The following CCDC91 variants were observed in gnomAD, a reference collection of about 807,000 sequenced individuals.
CCDC91 encodes the protein coiled-coil domain-containing protein 91.
Under a neutral mutation model 63.2 loss-of-function variants are expected in CCDC91, and 48 were observed. The ratio of observed to expected loss-of-function variants is 0.76; its 90% CI spans 0.60 to 0.97. The LOEUF (loss-of-function observed/expected upper bound fraction) is 0.97. Among genes scored for constraint, CCDC91 ranks in the 50% least tolerant of loss-of-function variants. CCDC91 has a pLI of 0.00. For missense variants in CCDC91, 500 were observed against 494.6 expected (o/e 1.01, Z -0.10); for synonymous variants, 167 against 165.8 (o/e 1.01, Z -0.06).
At chr12:28,207,443 G>A (rs1349089308) in intron 1 of CCDC91, among the ~76,000 whole-genome samples, 1 of 152,134 alleles carries the variant, frequency 6.6e-6, no homozygotes, top group East Asian at 1.9e-4. Flanking sequence ...GGATTCTGAA[G>A]GGGTTAATTG....
At chr12:28,485,709 A>C (rs1951690922) in intron 12 of CCDC91, among the ~76,000 whole-genome samples, 1 of 152,166 alleles carries the variant, frequency 6.6e-6, no homozygotes, top group Non-Finnish European at 1.5e-5. Flanking sequence ...TAGATGCCTA[A>C]CCTTCTAAGG....
Position 28,450,209 on chromosome 12 carries a change from G to GA in CCDC91, c.817dup (p.Ile273AsnfsTer28), listed in dbSNP as rs751463445. The GA allele has an allele frequency of 1.2e-6, 2 of 1,610,288 alleles. No individual in the cohort carries two copies. Among genetic ancestry groups the GA allele is most frequent in the South Asian group, 1.1e-5 (1 of 90,610 alleles). ...AGATACAGAGAAGGAACTGTTAAAAGAAAAAATAAAGGAAGCTTTGATTCA... is the reference window on the plus strand; with the variant it reads ...AGATACAGAGAAGGAACTGTTAAAAGAAAAAAATAAAGGAAGCTTTGATTCA... On this transcript the variant is annotated frameshift_variant, in exon 9 of 13. Transcript: ENST00000536442. LOFTEE classifies it high-confidence loss of function.
intron 12 of CCDC91, among the ~76,000 whole-genome samples, chr12:28,525,168 C>G (rs771760222): frequency 5.3e-5 from 8 of 152,020 alleles, no homozygotes; most frequent in African/African-American, 9.7e-5. Flanking sequence ...TCTTACTTCT[C>G]TAGTTCCTTG....
chr12:28,536,325 G>A (rs1346450110), intron 12 of CCDC91, among the ~76,000 whole-genome samples: 1 of 152,128 alleles, frequency 6.6e-6, no homozygotes, highest in Non-Finnish European at 1.5e-5. Flanking sequence ...GTTTGTAAAT[G>A]CCCCTGCAGG....
At chr12:28,270,725 C>T (rs753430229) in intron 3 of CCDC91, among the ~76,000 whole-genome samples, 8 of 152,146 alleles carry the variant, frequency 5.3e-5, no homozygotes, top group East Asian at 1.9e-4. Flanking sequence ...TATTTTGCGT[C>T]GATGGAATAT....
chr12:28,264,585 C>CTGTATGTGTGTGTGTGTGTGTGTGTGTG (rs1555169638), intron 3 of CCDC91, among the ~76,000 whole-genome samples: 2 of 137,258 alleles, frequency 1.5e-5, no homozygotes, highest in South Asian at 2.4e-4. Flanking sequence ...ATATGTCTGT[C>CTGTATGTGTGTGTGTGTGTGTGTGTGTG]TGTGTGTGTG....
At chr12:28,314,119 A>G (rs901459269) in intron 6 of CCDC91, among the ~76,000 whole-genome samples, 1 of 151,964 alleles carries the variant, frequency 6.6e-6, no homozygotes, top group Non-Finnish European at 1.5e-5. Context: ...ATTCTTTCAC[A>G]TTCCATTTTC....
At chr12:28,409,201 A>G (rs1247464825) in intron 8 of CCDC91, among the ~76,000 whole-genome samples, 1 of 152,082 alleles carries the variant, frequency 6.6e-6, no homozygotes, top group African/African-American at 2.4e-5. Context: ...TTTTTCCATT[A>G]TTTTAGCTGT....
chr12:28,197,810 C>G (rs1941897547), intron 1 of CCDC91, among the ~76,000 whole-genome samples: 1 of 152,006 alleles, frequency 6.6e-6, no homozygotes. Context: ...CCTCTTAAGT[C>G]TATTCTTATT....
chr12:28,210,188 A>G (rs1157879882), intron 1 of CCDC91, among the ~76,000 whole-genome samples: 6 of 152,364 alleles, frequency 3.9e-5, no homozygotes, highest in African/African-American at 1.2e-4. Flanking sequence ...AGGGCTTTAA[A>G]GTCAAGGCAG....
chr12:28,498,671 C>A (rs7961961), intron 12 of CCDC91, among the ~76,000 whole-genome samples: 2,469 of 151,794 alleles, frequency 0.016, 70 homozygotes, highest in African/African-American at 0.056. Context: ...CTCCTACCAA[C>A]CTTACTTTAT....
chr12:28,315,984 C>A (rs1470186836), intron 6 of CCDC91, among the ~76,000 whole-genome samples: 1 of 151,874 alleles, frequency 6.6e-6, no homozygotes, highest in African/African-American at 2.4e-5. Flanking sequence ...CCTATTCTTT[C>A]TATGAACATC....
At chr12:28,543,874 T>G (rs970376534) in intron 12 of CCDC91, among the ~76,000 whole-genome samples, 13 of 152,152 alleles carry the variant, frequency 8.5e-5, no homozygotes, top group African/African-American at 2.6e-4. Context: ...TCTTTTCCTT[T>G]CATCTATACT....
intron 8 of CCDC91, among the ~76,000 whole-genome samples, chr12:28,442,970 A>T (rs1228630929): frequency 6.6e-6 from 1 of 152,040 alleles, no homozygotes; most frequent in Non-Finnish European, 1.5e-5. Flanking sequence ...GAATATATGC[A>T]GGAGGCTTTT....
intron 1 of CCDC91, among the ~76,000 whole-genome samples, chr12:28,214,515 A>G (rs963054801): frequency 4.6e-5 from 7 of 152,142 alleles, no homozygotes; most frequent in Non-Finnish European, 1.0e-4. Flanking sequence ...AGTTATTAAT[A>G]CCAGCTATTA....
At chr12:28,226,188 A>T (rs1274547946) in intron 1 of CCDC91, 1 of 152,212 alleles carries the variant, frequency 6.6e-6, no homozygotes, top group Non-Finnish European at 1.5e-5. Context: ...GTGAATGAAG[A>T]TTCATTATGA....
Position 28,452,594 on chromosome 12 carries a change from T to A in CCDC91, c.1041T>A (p.Asp347Glu). The A allele has an allele frequency of 6.3e-7, 1 of 1,582,386 alleles. No individual in the cohort carries two copies. The change falls in exon 11 of 13, where the codon GAT (aspartate) becomes GAA (glutamate). Residue 347 changes from aspartate to glutamate, a missense_variant. Coordinates refer to ENST00000536442, the MANE Select transcript of CCDC91 (RefSeq NM_018318.5). Reference protein sequence around the residue: ...RELWKTEHAKDQEKVSQEIQK... With the variant: ...RELWKTEHAKEQEKVSQEIQK... ...TATGGAAGACAGAACATGCAAAAGA[T>A]CAAGAAAAAGTATCTCAGGAAATTC...
intron 6 of CCDC91, among the ~76,000 whole-genome samples, chr12:28,333,008 T>C (rs1379022120): frequency 1.3e-5 from 2 of 152,196 alleles, no homozygotes; most frequent in Middle Eastern, 3.4e-3. Context: ...AAAATGATAC[T>C]TGTTTATAGT....
intron 11 of CCDC91, among the ~76,000 whole-genome samples, chr12:28,476,386 A>G (rs1346288356): frequency 6.6e-6 from 1 of 152,040 alleles, no homozygotes. Flanking sequence ...GGGTAATGAA[A>G]TGAAGGCACA....
Sources: allele counts gnomAD v4.1 joint callset (sites outside exome capture counted in the v4.1 genomes callset), GRCh38; gene constraint gnomAD v4.1.1; transcripts MANE v1.5; gene names NCBI Gene and HGNC (gene_info 2026-07-23, HGNC 2026-07-21).